SLC35F4: variants seen among roughly 807,000 people sequenced by gnomAD.
The protein encoded by SLC35F4 is chromosome 14 open reading frame 36.
In SLC35F4, 24 loss-of-function variants were observed where a neutral mutation model predicts 44.2. That is an observed-to-expected ratio of 0.54 (90% CI 0.39 to 0.76). The LOEUF is 0.76. Ranked by LOEUF, SLC35F4 falls within the 30% of genes least tolerant of loss-of-function variation. The probability of loss-of-function intolerance (pLI) is 0.00; values close to 1 mark genes in which losing one functional copy is unlikely to be tolerated. For missense variants in SLC35F4, 562 were observed against 586.1 expected (o/e 0.96, Z 0.42); for synonymous variants, 238 against 223.6 (o/e 1.06, Z -0.57).
At chr14:57,845,866 C>T (rs1343676186) in intron 1 of SLC35F4, among the ~76,000 whole-genome samples, 4 of 152,272 alleles carry the variant, frequency 2.6e-5, no homozygotes, top group African/African-American at 9.6e-5. Context: ...GGGCATATCC[C>T]CTTCTCTTCT....
intron 1 of SLC35F4, among the ~76,000 whole-genome samples, chr14:57,622,788 G>A (rs1467600662): frequency 6.6e-6 from 1 of 151,784 alleles, no homozygotes; most frequent in Non-Finnish European, 1.5e-5. Flanking sequence ...TCTGCACATT[G>A]TGCACATGTA....
intron 1 of SLC35F4, among the ~76,000 whole-genome samples, chr14:57,929,435 T>C (rs1429455168): frequency 6.6e-6 from 1 of 152,046 alleles, no homozygotes; most frequent in African/African-American, 2.4e-5. Context: ...TTACAGCACC[T>C]TAGAGCGGGA....
intron 1 of SLC35F4, among the ~76,000 whole-genome samples, chr14:57,597,790 G>C (rs192288711): frequency 9.2e-5 from 14 of 152,244 alleles, no homozygotes; most frequent in African/African-American, 3.4e-4. Context: ...ATATTAAGAC[G>C]ATCAGCTCTA....
chr14:57,843,410 A>T (rs1885685883), intron 1 of SLC35F4, among the ~76,000 whole-genome samples: 1 of 152,046 alleles, frequency 6.6e-6, no homozygotes, highest in African/African-American at 2.4e-5. Context: ...CTTGATGGCA[A>T]TTCTGTTTGG....
At chr14:57,834,339 A>G (rs2140943682) in intron 1 of SLC35F4, among the ~76,000 whole-genome samples, 1 of 152,336 alleles carries the variant, frequency 6.6e-6, no homozygotes, top group Admixed American at 6.5e-5. Flanking sequence ...TTTTTTCTCT[A>G]CAGATTCATT....
intron 1 of SLC35F4, among the ~76,000 whole-genome samples, chr14:57,701,635 C>T (rs1046855182): frequency 5.9e-5 from 9 of 152,132 alleles, no homozygotes; most frequent in South Asian, 2.1e-4. Flanking sequence ...TATAATTTCA[C>T]GGGACCACTG....
intron 1 of SLC35F4, among the ~76,000 whole-genome samples, chr14:57,736,425 G>A (rs1462306984): frequency 1.3e-5 from 2 of 152,106 alleles, no homozygotes; most frequent in Non-Finnish European, 2.9e-5. Context: ...TGCACAGGAG[G>A]GCCTGTATAG....
At chr14:57,708,410 G>A (rs371270164) in intron 1 of SLC35F4, among the ~76,000 whole-genome samples, 123 of 152,294 alleles carry the variant, frequency 8.1e-4, no homozygotes, top group East Asian at 2.7e-3. Context: ...CCACACAGCC[G>A]GCTCTGTGTG....
At chr14:57,860,357 C>T (rs1887574298) in intron 1 of SLC35F4, among the ~76,000 whole-genome samples, 1 of 152,136 alleles carries the variant, frequency 6.6e-6, no homozygotes, top group South Asian at 2.1e-4. Flanking sequence ...CAACTGTTTA[C>T]CAAAGGTGGG....
chr14:57,659,859 T>C (rs2074081920), intron 1 of SLC35F4, among the ~76,000 whole-genome samples: 1 of 152,216 alleles, frequency 6.6e-6, no homozygotes, highest in Admixed American at 6.5e-5. Flanking sequence ...TTTTAAAGAT[T>C]ACTTTTATGA....
chr14:57,580,673 A>C (rs1189507959), intron 4 of SLC35F4: 1 of 189,234 alleles, frequency 5.3e-6, no homozygotes, highest in Non-Finnish European at 1.1e-5. Flanking sequence ...ATCCAAAAGA[A>C]GTTGTTGCTT....
chr14:57,591,054 A>G (rs2070145548), intron 2 of SLC35F4, among the ~76,000 whole-genome samples: 1 of 152,244 alleles, frequency 6.6e-6, no homozygotes, highest in Non-Finnish European at 1.5e-5. Context: ...TGTAAATCTT[A>G]TAAACAGTAC....
intron 1 of SLC35F4, among the ~76,000 whole-genome samples, chr14:57,950,256 G>T (rs1890109882): frequency 6.6e-6 from 1 of 151,370 alleles, no homozygotes; most frequent in African/African-American, 2.4e-5. Flanking sequence ...TGTCTGATTG[G>T]GTTAATTTGA....
downstream of SLC35F4, among the ~76,000 whole-genome samples, chr14:57,974,287 C>A (rs1044428064): frequency 1.3e-5 from 2 of 152,162 alleles, no homozygotes; most frequent in African/African-American, 2.4e-5. Flanking sequence ...AAATTTCTTA[C>A]CTGGTAGCTC....
chr14:57,848,741 T>C (rs570947490), intron 1 of SLC35F4, among the ~76,000 whole-genome samples: 23 of 152,256 alleles, frequency 1.5e-4, no homozygotes, highest in African/African-American at 5.5e-4. Flanking sequence ...GTTTGTTTGC[T>C]AACATCTCTT....
intron 1 of SLC35F4, among the ~76,000 whole-genome samples, chr14:57,790,772 G>A (rs562767548): frequency 9.2e-5 from 14 of 152,048 alleles, no homozygotes; most frequent in Non-Finnish European, 2.1e-4. Context: ...GCATGGTACT[G>A]GTACCAAAAA....
chr14:57,847,515 T>A (rs918341619), intron 1 of SLC35F4, among the ~76,000 whole-genome samples: 2 of 152,228 alleles, frequency 1.3e-5, no homozygotes, highest in Non-Finnish European at 2.9e-5. Flanking sequence ...GATTAAGTTA[T>A]AATTCAGTGT....
intron 1 of SLC35F4, among the ~76,000 whole-genome samples, chr14:57,625,406 C>T (rs1395714668): frequency 6.6e-6 from 1 of 152,152 alleles, no homozygotes; most frequent in Non-Finnish European, 1.5e-5. Context: ...AATGCTATCC[C>T]TATCAAGCTA....
intron 1 of SLC35F4, among the ~76,000 whole-genome samples, chr14:57,652,150 G>A (rs1219350778): frequency 3.3e-5 from 5 of 152,202 alleles, no homozygotes; most frequent in Non-Finnish European, 1.5e-5. Context: ...GTCTTAAGAA[G>A]TATGTCTAAC....
Sources: gnomAD v4.1 joint callset for allele counts (sites outside exome capture counted in the v4.1 genomes callset) on GRCh38, gnomAD v4.1.1 for gene constraint, MANE v1.5 for transcripts, NCBI Gene and HGNC (gene_info 2026-07-23, HGNC 2026-07-21) for gene names.